Variants in SPMIP7 observed in about 807,000 individuals in gnomAD.
The protein encoded by SPMIP7 is protein SPMIP7.
the SPMIP7 span, among the ~76,000 whole-genome samples, chr7:50,134,610 C>T: frequency 1.2e-3 from 185 of 152,280 alleles, no homozygotes; most frequent in African/African-American, 4.1e-3. Flanking sequence ...ATAACCTATG[C>T]TGAAGATGGT....
the SPMIP7 span, among the ~76,000 whole-genome samples, chr7:50,102,686 T>A: frequency 8.5e-5 from 13 of 152,172 alleles, no homozygotes; most frequent in Non-Finnish European, 1.9e-4. Flanking sequence ...AAATATTGAC[T>A]GAATTATCAT....
chr7:50,098,202 A>G, the SPMIP7 span, among the ~76,000 whole-genome samples: 1 of 152,180 alleles, frequency 6.6e-6, no homozygotes, highest in Non-Finnish European at 1.5e-5. Flanking sequence ...ATAAAATATT[A>G]TATTGCTGAT....
chr7:50,104,246 T>C, the SPMIP7 span: 2 of 686,036 alleles, frequency 2.9e-6, no homozygotes, highest in Non-Finnish European at 4.9e-6. Context: ...ATAGTAAATA[T>C]TTCTGTTGAA....
At chr7:50,158,088 G>A in the SPMIP7 span, among the ~76,000 whole-genome samples, 1 of 152,010 alleles carries the variant, frequency 6.6e-6, no homozygotes, top group East Asian at 1.9e-4. Flanking sequence ...AGCCTCTGGG[G>A]TAGGCCCAGG....
At chr7:50,120,445 AC>A in the SPMIP7 span, 1 of 152,244 alleles carries the variant, frequency 6.6e-6, no homozygotes, top group African/African-American at 2.4e-5. Context: ...ACTTAATGGA[AC>A]ACTGTACGGT....
chr7:50,118,602 T>G, the SPMIP7 span, among the ~76,000 whole-genome samples: 2 of 152,198 alleles, frequency 1.3e-5, no homozygotes, highest in African/African-American at 4.8e-5. Context: ...AGTATTTCCT[T>G]TATGGAGCAT....
the SPMIP7 span, among the ~76,000 whole-genome samples, chr7:50,156,809 G>A: frequency 1.6e-4 from 24 of 152,048 alleles, no homozygotes; most frequent in Non-Finnish European, 2.2e-4. Flanking sequence ...CTGGCCAGTT[G>A]TTTATGAAGA....
chr7:50,116,798 A>C, the SPMIP7 span, among the ~76,000 whole-genome samples: 4 of 152,228 alleles, frequency 2.6e-5, no homozygotes, highest in African/African-American at 4.8e-5. Flanking sequence ...ACTATTCTTA[A>C]GTAGAGGGGA....
chr7:50,097,358 A>G, the SPMIP7 span, among the ~76,000 whole-genome samples: 1 of 152,228 alleles, frequency 6.6e-6, no homozygotes, highest in Non-Finnish European at 1.5e-5. Flanking sequence ...ACTTTTAAAC[A>G]TTATTCTAAG....
At chr7:50,141,381 A>C in the SPMIP7 span, 3 of 1,538,140 alleles carry the variant, frequency 2.0e-6, no homozygotes, top group Non-Finnish European at 2.6e-6. Flanking sequence ...TTATACAAAC[A>C]CAAGTCGGTG....
At chr7:50,139,388 T>C in the SPMIP7 span, among the ~76,000 whole-genome samples, 2 of 151,946 alleles carry the variant, frequency 1.3e-5, no homozygotes, top group South Asian at 2.1e-4. Flanking sequence ...CTTGTTCATA[T>C]AGCAAGCTGA....
At chr7:50,119,253 G>A in the SPMIP7 span, among the ~76,000 whole-genome samples, 1 of 152,144 alleles carries the variant, frequency 6.6e-6, no homozygotes, top group Non-Finnish European at 1.5e-5. Flanking sequence ...CAAGCTCCTG[G>A]AAATGTATAC....
At chr7:50,118,935 C>T in the SPMIP7 span, among the ~76,000 whole-genome samples, 1 of 152,142 alleles carries the variant, frequency 6.6e-6, no homozygotes, top group Non-Finnish European at 1.5e-5. Flanking sequence ...AATAGAACCT[C>T]GTGTATCTTC....
chr7:50,120,592 AAACACT>A, the SPMIP7 span, among the ~76,000 whole-genome samples: 2 of 152,124 alleles, frequency 1.3e-5, no homozygotes, highest in African/African-American at 4.8e-5. Context: ...CAATTCCTGT[AAACACT>A]GCCACCGAAT....
At chr7:50,155,825 C>T in the SPMIP7 span, among the ~76,000 whole-genome samples, 1 of 152,292 alleles carries the variant, frequency 6.6e-6, no homozygotes, top group Non-Finnish European at 1.5e-5. Context: ...GGCTGTCATC[C>T]ATGGCCCTCA....
At chr7:50,124,990 T>C in the SPMIP7 span, among the ~76,000 whole-genome samples, 1 of 151,092 alleles carries the variant, frequency 6.6e-6, no homozygotes, top group Non-Finnish European at 1.5e-5. Context: ...TCCCAGCTAC[T>C]TGGGAGGCTG....
the SPMIP7 span, among the ~76,000 whole-genome samples, chr7:50,103,333 A>G: frequency 2.0e-5 from 3 of 152,146 alleles, no homozygotes; most frequent in South Asian, 6.2e-4. Context: ...ATCTCTATGG[A>G]AACTACCAGA....
At chr7:50,133,089 T>C in the SPMIP7 span, among the ~76,000 whole-genome samples, 2 of 152,158 alleles carry the variant, frequency 1.3e-5, no homozygotes, top group African/African-American at 2.4e-5. Context: ...GATCCATCTA[T>C]CTTGTCAGAA....
the SPMIP7 span, among the ~76,000 whole-genome samples, chr7:50,111,794 G>A: frequency 2.6e-5 from 4 of 151,964 alleles, no homozygotes; most frequent in Non-Finnish European, 5.9e-5. Flanking sequence ...CTGACAGAGA[G>A]ACCACCATTA....
Sources: gnomAD v4.1 joint callset for allele counts (sites outside exome capture counted in the v4.1 genomes callset) on GRCh38, gnomAD v4.1.1 for gene constraint, MANE v1.5 for transcripts, NCBI Gene and HGNC (gene_info 2026-07-23, HGNC 2026-07-21) for gene names.